Variants in MAMDC4 observed in about 807,000 individuals in gnomAD.
MAMDC4 encodes apical endosomal glycoprotein.
Under a neutral mutation model 153.3 loss-of-function variants are expected in MAMDC4, and 168 were observed. That is an observed-to-expected ratio of 1.10 (90% CI 0.97 to 1.25). The LOEUF (loss-of-function observed/expected upper bound fraction) is 1.25, where lower values mean the gene tolerates loss of function less well. Among genes scored for constraint, MAMDC4 ranks in the 50% most tolerant of loss-of-function variants. MAMDC4 has a pLI of 0.00. For missense variants in MAMDC4, 1,701 were observed against 1,542.8 expected, an observed-to-expected ratio of 1.10 and a Z score of -1.72; for synonymous variants, 744 against 651.5, an observed-to-expected ratio of 1.14 and a Z score of -2.16.
chr9:136,859,049 C>A lies in MAMDC4; in HGVS notation c.3001C>A (p.Leu1001Met). The change falls in exon 24 of 27, where the codon CTG becomes ATG. Residue 1001 changes from leucine to methionine, a missense_variant. By Grantham distance (15) the Leu-to-Met change is conservative. Coordinates refer to ENST00000317446, the MANE Select transcript of MAMDC4 (RefSeq NM_206920.3). Reference sequence around the variant, plus strand: ...ACTGCTGCACAGTGCTCAGGGCCAGCTGGCTGTGTGGGGCGCAGGCGGGCA... The same window carrying A: ...ACTGCTGCACAGTGCTCAGGGCCAGATGGCTGTGTGGGGCGCAGGCGGGCA... The part of the protein sequence containing the change: ...KVLLHSAQGQ[L>M]AVWGAGGHRR... The A allele has an allele frequency of 6.4e-7, 1 of 1,555,652 alleles. No homozygotes were observed. The highest frequency in any genetic ancestry group is 1.2e-5 in the South Asian group (1 of 84,792).
rs1486634243 is a variant in MAMDC4 at position 136,857,534 on chromosome 9, G to A, written c.2274G>A (p.Ser758=). The change falls in exon 18 of 27, where the codon TCG becomes TCA. Residue 758 remains serine (S), a synonymous_variant. Transcript: ENST00000317446. ...TCTGGAGGCGGCAGGCCAATGCCTCGGGCCATGCTGCCTGGGGCCCCCCAA... is the reference window on the plus strand; with the variant it reads ...TCTGGAGGCGGCAGGCCAATGCCTCAGGCCATGCTGCCTGGGGCCCCCCAA... ...QGLWRRQANA[S]GHAAWGPPTD... 16 of 1,611,240 alleles carry A rather than the reference G, an allele frequency of 9.9e-6. No homozygotes were observed. The highest frequency in any genetic ancestry group is 4.0e-5 in the African/African-American group (3 of 74,924).
rs763487820 is a variant in MAMDC4 at position 136,858,242 on chromosome 9, T to C, written c.2640T>C (p.Asp880=). ...CACACTCCTACGTGGCTCTGGATGA[T>C]CTGCTCCTCCAGGACGGGCCCTGCC... ...GVAHSYVALD[D]LLLQDGPCPQ... is the part of the protein sequence containing the mutation. The change falls in exon 21 of 27, where the codon GAT becomes GAC. Residue 880 remains aspartate (D), a synonymous_variant. Transcript: ENST00000317446. The C allele has an allele frequency of 8.7e-6, 14 of 1,602,048 alleles. No homozygotes were observed. The highest frequency in any genetic ancestry group is 1.2e-5 in the Non-Finnish European group (14 of 1,178,638).
Position 136,856,798 on chromosome 9 carries a change from C to T in MAMDC4, c.1809C>T (p.Gly603=). 6.2e-7 allele frequency: 1 copy of T among 1,611,786 alleles called. No individual in the cohort carries two copies. Among genetic ancestry groups the T allele is most frequent in the Non-Finnish European group, 8.5e-7 (1 of 1,179,524 alleles). The change falls in exon 15 of 27, where the codon GGC becomes GGT. Residue 603 remains glycine, a synonymous_variant. Transcript: ENST00000317446. ...ACTGGCGCTGGGTGGAGAGCCGCGG[C>T]CCTGACCACGACCACACCACAGGCC... The part of the protein sequence containing the change: ...DTHWRWVESR[G]PDHDHTTGQG...
At chr9:136,854,159 G>A in intron 6 of MAMDC4, 52 bp from the exon 7 acceptor site, 3 of 1,611,480 alleles carry the variant, frequency 1.9e-6, no homozygotes, top group South Asian at 1.1e-5. Context: ...CTGCCCCCGA[G>A]TGCTCTCCCA....
chr9:136,853,038 C>T, intron 1 of MAMDC4, 64 bp from the exon 2 acceptor site: 1 of 1,400,166 alleles, frequency 7.1e-7, no homozygotes, highest in Non-Finnish European at 1.0e-6. Context: ...CTGAATAGTC[C>T]TAGGCAGGCT....
At chr9:136,858,576 G>A in intron 22 of MAMDC4, 30 bp downstream of exon 22, 1 of 1,563,530 alleles carries the variant, frequency 6.4e-7, no homozygotes. Flanking sequence ...AGGTGGGGAG[G>A]CACACACAGC....
At chr9:136,858,658 G>C (rs936501315) in intron 22 of MAMDC4, 61 bp from the exon 23 acceptor site, 1 of 1,603,894 alleles carries the variant, frequency 6.2e-7, no homozygotes, top group East Asian at 2.2e-5. Context: ...CCGAGCCTCT[G>C]CTCGGGCCCT....
chr9:136,856,370 C>T lies in MAMDC4; in HGVS notation c.1720+221C>T, dbSNP rs370601276. On this transcript the variant is annotated intron_variant, in intron 14 of 26. Transcript: ENST00000317446. ...CAAGGTCCTTCTAGGGGCCCGCCGC[C>T]GGCCCTTCCGGGTGAGGAGGGCAGC... The T allele has an allele frequency of 1.7e-4, 150 of 881,126 alleles. 2 individuals carry two copies. The East Asian group carries it at 1.8e-3, about 11-fold the overall frequency. 54.6% of individuals were successfully genotyped at this position (881,126 alleles called of 1,614,324 possible). A position where few individuals can be genotyped will look rare whatever the true frequency, so the allele number is the denominator to read the frequency against.
chr9:136,853,691 G>T (rs376737235), intron 4 of MAMDC4, 21 bp downstream of exon 4: 2 of 1,607,462 alleles, frequency 1.2e-6, no homozygotes, highest in African/African-American at 2.7e-5. Flanking sequence ...GACCCCCAAG[G>T]CTCGTGGGGG....
Position 136,857,717 on chromosome 9 carries a change from C to T in MAMDC4, c.2385C>T (p.Ser795=), listed in dbSNP as rs760758796. 8 of 1,612,588 alleles carry T rather than the reference C, an allele frequency of 5.0e-6. No individual in the cohort carries two copies. The South Asian group carries it at 8.8e-5, about 18-fold the overall frequency. Residue 795 remains serine, a synonymous_variant, in exon 19 of 27, where the codon TCC becomes TCT. Transcript: ENST00000317446. The part of the protein sequence containing the change: ...PDALPRGQTA[S]LTSKEHRPLA... ...CACTACCCCGGGGCCAGACGGCCTC[C>T]CTGACCTCCAAGGAGCACAGGCCCC...
At position 136,859,950 on chromosome 9, in the gene MAMDC4, C is replaced by G; in HGVS notation, c.3258C>G (p.Leu1086=). Residue 1086 remains leucine (L), a synonymous_variant, in exon 26 of 27, where the codon CTC becomes CTG. Coordinates refer to ENST00000317446, the MANE Select transcript of MAMDC4 (RefSeq NM_206920.3). ...VVGSALLLLM[L]LVLLGLGGRR... ...GCAGTGCCCTCCTATTGCTCATGCT[C>G]CTGGTGCTGCTGGGACTTGGGGGAC... 6.2e-7 allele frequency: 1 copy of G among 1,613,062 alleles called. No homozygotes were observed. The highest frequency in any genetic ancestry group is 8.5e-7 in the Non-Finnish European group (1 of 1,179,938).
intron 5 of MAMDC4, 21 bp from the exon 6 acceptor site, chr9:136,853,971 C>T (rs199882886): frequency 1.3e-4 from 211 of 1,612,794 alleles, no homozygotes; most frequent in Middle Eastern, 1.6e-4. Flanking sequence ...GACTTAGGTC[C>T]TAAGAGCCTG....
chr9:136,853,785 G>A lies in MAMDC4; in HGVS notation c.463G>A (p.Glu155Lys). ...GACCCCTGACATTGCAGATGTGGCTGAACTGCGGGTGGAGCTGACCCATGG... is the reference window on the plus strand; with the variant it reads ...GACCCCTGACATTGCAGATGTGGCTAAACTGCGGGTGGAGCTGACCCATGG... ...WYHAASGDVA[E>K]LRVELTHGAE... Residue 155 changes from glutamate to lysine, a missense_variant, in exon 5 of 27, where the codon GAA becomes AAA. Glu to Lys is a moderately conservative substitution (Grantham distance 56, BLOSUM62 1). Coordinates refer to ENST00000317446, the MANE Select transcript of MAMDC4 (RefSeq NM_206920.3). 1 of 1,609,992 alleles carries A rather than the reference G, an allele frequency of 6.2e-7. No homozygotes were observed. The highest frequency in any genetic ancestry group is 1.1e-5 in the South Asian group (1 of 90,966).
rs1849023460 is a variant in MAMDC4, at chr9:136,857,488, T to C, written c.2228T>C (p.Phe743Ser). The C allele has an allele frequency of 6.2e-7, 1 of 1,609,528 alleles. No homozygotes were observed. Among genetic ancestry groups the C allele is most frequent in the Admixed American group, 1.7e-5 (1 of 60,006 alleles). The part of the protein sequence containing the change: ...YCSFEDSDCG[F>S]SPGGQGLWRR... ...TCCTTTGAGGACTCAGACTGCGGCT[T>C]CTCCCCTGGAGGCCAAGGTCTCTGG... Residue 743 changes from phenylalanine to serine, a missense_variant, in exon 18 of 27, where the codon TTC (phenylalanine) becomes TCC (serine). Physicochemically the swap from Phe to Ser is radical, Grantham distance 155 (BLOSUM62 -2). Coordinates refer to ENST00000317446, the MANE Select transcript of MAMDC4 (RefSeq NM_206920.3).
At chr9:136,858,962 GC>G in intron 23 of MAMDC4, 42 bp from the exon 24 acceptor site, 1 of 1,513,070 alleles carries the variant, frequency 6.6e-7, no homozygotes, top group Non-Finnish European at 8.8e-7. Flanking sequence ...GCGTGCAGGA[GC>G]CCCAGGACCC....
chr9:136,858,007 C>A lies in MAMDC4; in HGVS notation c.2493C>A (p.Arg831=). The change falls in exon 20 of 27, where the codon CGC becomes CGA. Residue 831 remains arginine, a synonymous_variant. Coordinates refer to ENST00000317446, the MANE Select transcript of MAMDC4 (RefSeq NM_206920.3). ...CCCTGCGGGTCTACCTGGAGGAGCG[C>A]GGGAGGCACCAGGTGCTCAGCCTCA... is the stretch of plus-strand genomic sequence containing the variant. ...PGTLRVYLEE[R]GRHQVLSLSA... 5.9e-6 allele frequency: 9 copies of A among 1,524,012 alleles called. No individual in the cohort carries two copies. Among genetic ancestry groups the A allele is most frequent in the Non-Finnish European group, 7.0e-6 (8 of 1,139,154 alleles). 94.4% of individuals were successfully genotyped at this position (1,524,012 alleles called of 1,614,324 possible).
chr9:136,853,559 G>A lies in MAMDC4; in HGVS notation c.343G>A (p.Val115Ile), dbSNP rs369799015. The A allele has an allele frequency of 2.2e-5, 35 of 1,612,658 alleles. No homozygotes were observed. The highest frequency in any genetic ancestry group is 1.1e-4 in the East Asian group (5 of 44,880). Residue 115 changes from valine to isoleucine, a missense_variant, in exon 4 of 27, where the codon GTT (valine) becomes ATT (isoleucine). Coordinates refer to ENST00000317446, the MANE Select transcript of MAMDC4 (RefSeq NM_206920.3). ...LGTDLGWYMA[V>I]GTHRGKEAST... ...ACCTGCGCCAGGCTGGTACATGGCC[G>A]TTGGAACCCACCGAGGGAAAGAGGC...
chr9:136,853,720 G>C (rs1848961872), intron 4 of MAMDC4, 50 bp downstream of exon 4: 1 of 1,603,482 alleles, frequency 6.2e-7, no homozygotes, highest in Non-Finnish European at 8.5e-7. Context: ...GGGGAGGGCG[G>C]GTGGGCAGCT....
At chr9:136,852,599 C>G (rs1588390288) in intron 1 of MAMDC4, 137 bp downstream of exon 1, 2 of 1,141,018 alleles carry the variant, frequency 1.8e-6, no homozygotes, top group South Asian at 2.6e-5. Flanking sequence ...ACTACCTTGG[C>G]CGGCCTGCAA....
Sources: gnomAD v4.1 joint callset for allele counts on GRCh38, gnomAD v4.1.1 for gene constraint, MANE v1.5 for transcripts, NCBI Gene and HGNC (gene_info 2026-07-23, HGNC 2026-07-21) for gene names.